The following RICTOR variants were observed in gnomAD, a reference collection of about 807,000 sequenced individuals.
RICTOR encodes RPTOR independent companion of MTOR complex 2.
RICTOR carries 49 observed loss-of-function variants against 214.9 expected under a neutral mutation model. The observed-to-expected ratio is 0.23, with a 90% CI of 0.18 to 0.29. RICTOR has a LOEUF of 0.29. RICTOR is among the 10% of genes least tolerant of loss of function. RICTOR has a pLI of 1.00. For missense variants in RICTOR, 1,625 were observed against 2,047.0 expected, an observed-to-expected ratio of 0.79 and a Z score of 3.98; for synonymous variants, 717 against 711.3, an observed-to-expected ratio of 1.01 and a Z score of -0.13.
intron 14 of RICTOR, 157 bp from the exon 15 acceptor site, chr5:38,966,878 A>G: frequency 1.7e-6 from 1 of 593,800 alleles, no homozygotes; most frequent in Non-Finnish European, 3.0e-6. Flanking sequence ...TCAGCTCAGT[A>G]TAACCTCTGC....
chr5:39,036,019 T>C (rs1225504462), intron 2 of RICTOR, among the ~76,000 whole-genome samples: 1 of 152,156 alleles, frequency 6.6e-6, no homozygotes, highest in Non-Finnish European at 1.5e-5. Flanking sequence ...AACTGTCAGA[T>C]TCACCAAAGT....
At chr5:38,968,342 A>T (rs1263520165) in intron 11 of RICTOR, among the ~76,000 whole-genome samples, 1 of 152,198 alleles carries the variant, frequency 6.6e-6, no homozygotes, top group African/African-American at 2.4e-5. Flanking sequence ...GTTGTTTAAA[A>T]GCATTATATA....
intron 27 of RICTOR, among the ~76,000 whole-genome samples, chr5:38,954,280 A>G (rs554421140): frequency 6.6e-6 from 1 of 152,082 alleles, no homozygotes; most frequent in South Asian, 2.1e-4. Flanking sequence ...TACATATTAT[A>G]ACTCAAAGAA....
intron 15 of RICTOR, among the ~76,000 whole-genome samples, chr5:38,965,550 C>G (rs569756285): frequency 6.6e-6 from 1 of 151,832 alleles, no homozygotes; most frequent in African/African-American, 2.4e-5. Context: ...ATAGAGATTC[C>G]TTCATATAAA....
At chr5:38,996,691 T>A (rs1036183193) in intron 6 of RICTOR, 128 bp downstream of exon 6, 39 of 551,026 alleles carry the variant, frequency 7.1e-5, no homozygotes, top group Non-Finnish European at 1.1e-4. Flanking sequence ...TATAAAACTT[T>A]AATAAAAATG....
At position 38,942,147 on chromosome 5, in the gene RICTOR, C is replaced by A; in HGVS notation, c.*157G>T. The stretch of plus-strand genomic sequence containing the variant: ...AGGAAGTTGTTTTGGTTAGGAAAGT[C>A]AGCAGTTCCAACTGTTCATGTACCA... On this transcript the variant is annotated 3_prime_UTR_variant, in exon 38 of 38. Transcript: ENST00000357387. 2.3e-6 allele frequency: 1 copy of A among 431,290 alleles called. No individual in the cohort carries two copies. Among genetic ancestry groups the A allele is most frequent in the Admixed American group, 3.9e-5 (1 of 25,390 alleles). The allele number at this position is 431,290 out of a possible 1,614,324, so 26.7% of individuals were successfully genotyped here. A position where few individuals can be genotyped will look rare whatever the true frequency, so the allele number is the denominator to read the frequency against.
intron 8 of RICTOR, chr5:38,981,644 A>C (rs1751722297): frequency 2.5e-6 from 1 of 395,616 alleles, no homozygotes; most frequent in Non-Finnish European, 4.5e-6. Context: ...CATAGATAAT[A>C]CAAAAATAAA....
chr5:38,962,321 A>G lies in RICTOR; in HGVS notation c.1709T>C (p.Leu570Ser). 7.0e-7 allele frequency: 1 copy of G among 1,419,634 alleles called. No individual in the cohort carries two copies. The highest frequency in any genetic ancestry group is 9.8e-7 in the Non-Finnish European group (1 of 1,019,666). The allele number at this position is 1,419,634 out of a possible 1,614,324, so 87.9% of individuals were successfully genotyped here. The change falls in exon 19 of 38, where the codon TTA (leucine) becomes TCA (serine). Residue 570 changes from leucine (L) to serine (S), a missense_variant. Physicochemically the swap from Leu to Ser is moderately radical, Grantham distance 145. Coordinates refer to ENST00000357387, the MANE Select transcript of RICTOR (RefSeq NM_152756.5). Reference protein sequence around the residue: ...VNLRNYKDEQLHRFVRRLLYF... With the variant: ...VNLRNYKDEQSHRFVRRLLYF... ...CAAAATAGTTCTTACATACCTGTGT[A>G]ACTGTTCATCTTTATAGTTTCTTAG...
intron 3 of RICTOR, among the ~76,000 whole-genome samples, chr5:39,015,048 T>G (rs938122911): frequency 3.3e-5 from 5 of 152,066 alleles, no homozygotes; most frequent in African/African-American, 1.2e-4. Context: ...GGTGGAAAAA[T>G]AAATACTACG....
At chr5:39,019,328 T>C (rs896052637) in intron 3 of RICTOR, among the ~76,000 whole-genome samples, 3 of 152,178 alleles carry the variant, frequency 2.0e-5, no homozygotes, top group Non-Finnish European at 2.9e-5. Context: ...GAAGACGCCA[T>C]CGAGAACTTT....
intron 8 of RICTOR, 45 bp from the exon 9 acceptor site, chr5:38,978,695 G>T: frequency 1.1e-6 from 1 of 921,752 alleles, no homozygotes; most frequent in Non-Finnish European, 1.7e-6. Context: ...ATTTTAAAAT[G>T]CATCCTTCCT....
chr5:39,014,799 C>T (rs1029307176), intron 3 of RICTOR, among the ~76,000 whole-genome samples: 1 of 152,106 alleles, frequency 6.6e-6, no homozygotes. Context: ...TCACTAGCTC[C>T]GTTTCTTTAT....
chr5:38,958,673 T>G lies in RICTOR; in HGVS notation c.2337A>C (p.Glu779Asp). The change falls in exon 23 of 38, where the codon GAA becomes GAC. Residue 779 changes from glutamate to aspartate, a missense_variant. Physicochemically the swap from Glu to Asp is conservative, Grantham distance 45. Coordinates refer to ENST00000357387, the MANE Select transcript of RICTOR (RefSeq NM_152756.5). ...ATAAAAAATGAACCTTTACCTTGTC[T>G]TCACATGCTTCATCGAGGATATCAA... is the stretch of plus-strand genomic sequence containing the variant. ...EALDILDEAC[E>D]DKANLHALIQ... The G allele has an allele frequency of 6.3e-7, 1 of 1,597,484 alleles. No individual in the cohort carries two copies. Among genetic ancestry groups the G allele is most frequent in the Non-Finnish European group, 8.5e-7 (1 of 1,174,290 alleles).
At chr5:39,014,041 C>T (rs539621232) in intron 3 of RICTOR, among the ~76,000 whole-genome samples, 11 of 152,150 alleles carry the variant, frequency 7.2e-5, no homozygotes, top group African/African-American at 2.6e-4. Flanking sequence ...AAACTGCCTA[C>T]AGTATTCAGT....
rs1258662936 is a variant in RICTOR at position 38,941,537 on chromosome 5, T to A, written c.*767A>T. The A allele has an allele frequency of 4.3e-6, 1 of 231,050 alleles. No homozygotes were observed. The highest frequency in any genetic ancestry group is 8.6e-6 in the Non-Finnish European group (1 of 116,554). The allele number at this position is 231,050 out of a possible 1,614,324, so 14.3% of individuals were successfully genotyped here. ...ATTGCAAATATATGCATTCTATAAA[T>A]GGGAAATATTTTTAATTAAAATAAA... On this transcript the variant is annotated 3_prime_UTR_variant, in exon 38 of 38. Coordinates refer to ENST00000357387, the MANE Select transcript of RICTOR (RefSeq NM_152756.5).
rs1399870090 is a variant in RICTOR, at chr5:38,960,083, C to T, written c.1852-105G>A. 3 of 792,568 alleles carry T rather than the reference C, an allele frequency of 3.8e-6. No individual in the cohort carries two copies. The Admixed American group carries it at 5.8e-5, about 15-fold the overall frequency. 49.1% of individuals were successfully genotyped at this position (792,568 alleles called of 1,614,324 possible). On this transcript the variant is annotated intron_variant, in intron 20 of 37. Transcript: ENST00000357387. ...AAACTTACTAATAATGATGAAGTTACCAATAATAGCTATCAATCAGTGAGT... is the reference window on the plus strand; with the variant it reads ...AAACTTACTAATAATGATGAAGTTATCAATAATAGCTATCAATCAGTGAGT...
rs1184741560 is a variant in RICTOR, at chr5:38,942,981, A to C, written c.4914-10T>G. The C allele has an allele frequency of 6.3e-7, 1 of 1,586,994 alleles. No homozygotes were observed. On this transcript the variant is annotated splice_polypyrimidine_tract_variant and intron_variant, in intron 36 of 37. Coordinates refer to ENST00000357387, the MANE Select transcript of RICTOR (RefSeq NM_152756.5). Reference sequence around the variant, plus strand: ...ATACTTCTCCTTAATTCTAAAATAAAAGATTATGGTGTGATGAAAACTGTA... The same window carrying C: ...ATACTTCTCCTTAATTCTAAAATAACAGATTATGGTGTGATGAAAACTGTA...
intron 3 of RICTOR, among the ~76,000 whole-genome samples, chr5:39,019,448 C>G (rs12515328): frequency 0.38 from 57,720 of 152,006 alleles, 11,213 homozygotes; most frequent in East Asian, 0.47. Flanking sequence ...TGATCATTTA[C>G]TATTCTGAAA....
At chr5:38,951,931 G>A (rs371214568) in intron 30 of RICTOR, among the ~76,000 whole-genome samples, 1 of 151,976 alleles carries the variant, frequency 6.6e-6, no homozygotes, top group East Asian at 1.9e-4. Flanking sequence ...AAAAAAAGGA[G>A]GACTGGTTCT....
Sources: allele counts gnomAD v4.1 joint callset (sites outside exome capture counted in the v4.1 genomes callset), GRCh38; gene constraint gnomAD v4.1.1; transcripts MANE v1.5; gene names NCBI Gene and HGNC (gene_info 2026-07-23, HGNC 2026-07-21).